The following SH2D4A variants were observed in gnomAD, a reference collection of about 807,000 sequenced individuals.
SH2D4A encodes SH2 domain-containing protein 4A.
SH2D4A carries 70 observed loss-of-function variants against 64.7 expected under a neutral mutation model. That is an observed-to-expected ratio of 1.08 (90% CI 0.89 to 1.32). The LOEUF (loss-of-function observed/expected upper bound fraction) is 1.32, where lower values mean the gene tolerates loss of function less well. SH2D4A is among the 40% of genes most tolerant of loss of function. The pLI, the probability that SH2D4A is intolerant of heterozygous loss-of-function variation, is 0.00. For synonymous variants in SH2D4A, 268 were observed against 200.7 expected (o/e 1.34, Z -2.83); for missense variants, 706 against 540.1 (o/e 1.31, Z -3.04).
At chr8:19,361,941 G>A (rs1318086200) in intron 6 of SH2D4A, among the ~76,000 whole-genome samples, 1 of 152,186 alleles carries the variant, frequency 6.6e-6, no homozygotes, top group African/African-American at 2.4e-5. Context: ...TGAGTGAGCA[G>A]AATGGGTGAG....
Position 19,394,822 on chromosome 8 carries a change from A to C in SH2D4A, c.*180A>C, listed in dbSNP as rs760558610. The C allele has an allele frequency of 4.9e-6, 2 of 410,896 alleles. No individual in the cohort carries two copies. Among genetic ancestry groups the C allele is most frequent in the African/African-American group, 2.0e-5 (1 of 49,178 alleles). 25.5% of individuals were successfully genotyped at this position (410,896 alleles called of 1,614,324 possible). ...CTTTTCTGCACAAATACTGGAATTC[A>C]ATGTCAAGAGAAAATGACCTCTGCT... On this transcript the variant is annotated 3_prime_UTR_variant, in exon 10 of 10. Transcript: ENST00000265807.
intron 1 of SH2D4A, among the ~76,000 whole-genome samples, chr8:19,319,051 T>A (rs1456802732): frequency 6.6e-6 from 1 of 152,126 alleles, no homozygotes; most frequent in Non-Finnish European, 1.5e-5. Context: ...ATAATGTGTT[T>A]GCTTAGTTGG....
At chr8:19,369,132 T>G (rs1410092249) in intron 7 of SH2D4A, among the ~76,000 whole-genome samples, 1 of 152,186 alleles carries the variant, frequency 6.6e-6, no homozygotes, top group Non-Finnish European at 1.5e-5. Context: ...TGTGTCATGT[T>G]CATTGATTCG....
intron 7 of SH2D4A, among the ~76,000 whole-genome samples, chr8:19,368,493 A>C (rs920399417): frequency 6.6e-6 from 1 of 151,906 alleles, no homozygotes; most frequent in Non-Finnish European, 1.5e-5. Context: ...TGGACATGGG[A>C]TGTCTATTTT....
At chr8:19,370,598 A>G (rs2053078783) in intron 7 of SH2D4A, among the ~76,000 whole-genome samples, 1 of 151,932 alleles carries the variant, frequency 6.6e-6, no homozygotes, top group Non-Finnish European at 1.5e-5. Context: ...TTTTTTCCCC[A>G]TTCTTTCCCT....
At chr8:19,368,781 C>T (rs1014511848) in intron 7 of SH2D4A, among the ~76,000 whole-genome samples, 1 of 152,072 alleles carries the variant, frequency 6.6e-6, no homozygotes, top group Non-Finnish European at 1.5e-5. Flanking sequence ...CATCTGCAAA[C>T]AGACAATTTG....
At chr8:19,365,068 A>G (rs780049413) in intron 7 of SH2D4A, among the ~76,000 whole-genome samples, 15 of 152,238 alleles carry the variant, frequency 9.9e-5, no homozygotes, top group Non-Finnish European at 2.2e-4. Context: ...AGAATTGTCT[A>G]AAGCCTTGCA....
intron 4 of SH2D4A, among the ~76,000 whole-genome samples, chr8:19,355,373 C>A (rs1385472418): frequency 6.6e-6 from 1 of 152,116 alleles, no homozygotes. Context: ...GGGAACAGTT[C>A]ACTCTGTTCC....
At chr8:19,381,241 G>A (rs1253747524) in intron 8 of SH2D4A, among the ~76,000 whole-genome samples, 2 of 152,078 alleles carry the variant, frequency 1.3e-5, no homozygotes, top group Non-Finnish European at 2.9e-5. Flanking sequence ...GTAGAGACAG[G>A]ATTTCACTAT....
intron 1 of SH2D4A, among the ~76,000 whole-genome samples, chr8:19,318,719 A>G (rs2052132208): frequency 6.6e-6 from 1 of 152,104 alleles, no homozygotes; most frequent in Non-Finnish European, 1.5e-5. Context: ...ACCTGCCCTG[A>G]TTTTCATGGC....
At chr8:19,336,127 A>G (rs927980445) in intron 4 of SH2D4A, among the ~76,000 whole-genome samples, 16 of 152,192 alleles carry the variant, frequency 1.1e-4, no homozygotes, top group Admixed American at 1.0e-3. Flanking sequence ...CAATAACATG[A>G]ACTAGAGACA....
At chr8:19,336,062 G>T (rs2052441071) in intron 4 of SH2D4A, among the ~76,000 whole-genome samples, 1 of 152,108 alleles carries the variant, frequency 6.6e-6, no homozygotes, top group Admixed American at 6.6e-5. Flanking sequence ...TAACTAACAT[G>T]GTCAGGGGTT....
At chr8:19,358,952 C>T (rs748742851) in intron 5 of SH2D4A, among the ~76,000 whole-genome samples, 12 of 152,224 alleles carry the variant, frequency 7.9e-5, no homozygotes, top group Non-Finnish European at 1.5e-4. Context: ...CCCCTCCGCC[C>T]CTCCACTCCA....
chr8:19,365,266 T>C (rs771724644), intron 7 of SH2D4A, among the ~76,000 whole-genome samples: 19 of 152,138 alleles, frequency 1.2e-4, no homozygotes, highest in Non-Finnish European at 1.8e-4. Flanking sequence ...CTTACTCTAC[T>C]GGAAAGTTCC....
At chr8:19,368,757 A>T (rs779172643) in intron 7 of SH2D4A, among the ~76,000 whole-genome samples, 7 of 151,526 alleles carry the variant, frequency 4.6e-5, no homozygotes, top group African/African-American at 9.7e-5. Flanking sequence ...GGTTTTCTGT[A>T]TGTAAGATCA....
intron 8 of SH2D4A, among the ~76,000 whole-genome samples, chr8:19,392,161 A>G (rs754996181): frequency 3.9e-5 from 6 of 152,200 alleles, no homozygotes; most frequent in African/African-American, 2.4e-5. Context: ...GTCTGGAGTA[A>G]GAGTGTGAAT....
intron 2 of SH2D4A, among the ~76,000 whole-genome samples, chr8:19,325,765 T>C (rs1398910875): frequency 7.9e-5 from 12 of 152,230 alleles, no homozygotes; most frequent in African/African-American, 2.9e-4. Context: ...TTTATTAAAA[T>C]GTTTAAAAAT....
rs540640305 is a variant in SH2D4A, at chr8:19,378,412, T to C, written c.1048+4752T>C. Among the ~76,000 whole-genome samples the C allele has an allele frequency of 2.6e-5, 4 of 152,312 alleles. No homozygotes were observed. The South Asian group carries it at 8.3e-4, about 32-fold the overall frequency. On this transcript the variant is annotated intron_variant, in intron 8 of 9. Coordinates refer to ENST00000265807, the MANE Select transcript of SH2D4A (RefSeq NM_022071.4). Reference sequence around the variant, plus strand: ...TGTAAAAGTATGCACTATATACAAATTACCACCTTCACAGTTCTTTGTTGT... The same window carrying C: ...TGTAAAAGTATGCACTATATACAAACTACCACCTTCACAGTTCTTTGTTGT...
Position 19,321,818 on chromosome 8 carries a change from A to G in SH2D4A, c.181+2090A>G, listed in dbSNP as rs75058765. On this transcript the variant is annotated intron_variant, in intron 2 of 9. Transcript: ENST00000265807. ...TAGCAGCCAAAGGGTTCTTGCCACT[A>G]GAGTCAATGGCCCAGACTCTGTTAG... Among the ~76,000 whole-genome samples, 1,017 of 152,254 alleles carry G rather than the reference A, an allele frequency of 6.7e-3. 12 individuals are homozygous for G. Among genetic ancestry groups the G allele is most frequent in the African/African-American group, 0.022 (929 of 41,532 alleles).
Sources: allele counts gnomAD v4.1 joint callset (sites outside exome capture counted in the v4.1 genomes callset), GRCh38; gene constraint gnomAD v4.1.1; transcripts MANE v1.5; gene names NCBI Gene and HGNC (gene_info 2026-07-23, HGNC 2026-07-21).